PIK3R4: variants seen among roughly 807,000 people sequenced by gnomAD.
PIK3R4 encodes phosphoinositide 3-kinase regulatory subunit 4.
PIK3R4 carries 46 observed loss-of-function variants against 136.5 expected under a neutral mutation model. The ratio of observed to expected loss-of-function variants is 0.34; its 90% CI spans 0.27 to 0.43. PIK3R4 has a LOEUF of 0.43. PIK3R4 is among the 20% of genes least tolerant of loss of function. PIK3R4 has a pLI of 1.00. For synonymous variants in PIK3R4, 557 were observed against 566.7 expected, an observed-to-expected ratio of 0.98 and a Z score of 0.24; for missense variants, 1,331 against 1,649.5, an observed-to-expected ratio of 0.81 and a Z score of 3.35.
At chr3:130,741,805 T>C (rs1022512462) in intron 2 of PIK3R4, among the ~76,000 whole-genome samples, 1 of 152,214 alleles carries the variant, frequency 6.6e-6, no homozygotes, top group African/African-American at 2.4e-5. Flanking sequence ...TACGTAACAA[T>C]GGCTTGCACA....
chr3:130,735,336 T>G (rs2066780335), intron 3 of PIK3R4, among the ~76,000 whole-genome samples: 1 of 152,198 alleles, frequency 6.6e-6, no homozygotes, highest in African/African-American at 2.4e-5. Flanking sequence ...TGTAGCTATG[T>G]GGCTTACGTG....
chr3:130,734,218 T>C, intron 3 of PIK3R4, 88 bp from the exon 4 acceptor site: 1 of 1,071,412 alleles, frequency 9.3e-7, no homozygotes, highest in East Asian at 2.4e-5. Flanking sequence ...TTACATACGA[T>C]TTAAAGGATC....
At position 130,723,444 on chromosome 3, in the gene PIK3R4, G is replaced by T; in HGVS notation, c.1951C>A (p.Pro651Thr). The T allele has an allele frequency of 6.2e-7, 1 of 1,605,508 alleles. No homozygotes were observed. The highest frequency in any genetic ancestry group is 8.5e-7 in the Non-Finnish European group (1 of 1,176,716). Residue 651 changes from proline (P) to threonine (T), a missense_variant, in exon 7 of 20, where the codon CCC becomes ACC. Pro to Thr is a conservative substitution (Grantham distance 38, BLOSUM62 -1). This residue lies in a region of PIK3R4 where 1,180 missense variants were observed against 1,407.0 expected (regional missense o/e 0.84). Coordinates refer to ENST00000356763, the MANE Select transcript of PIK3R4 (RefSeq NM_014602.3). ...CMCQLGLLQK[P>T]HVYEFASDIA... ...TCACTGGCAAATTCGTAAACATGGG[G>T]TTTTTGTAGCAGTCCTAACTGGCAC...
chr3:130,682,911 G>GA (rs2066467764), intron 16 of PIK3R4, among the ~76,000 whole-genome samples: 1 of 151,948 alleles, frequency 6.6e-6, no homozygotes. Flanking sequence ...CTGAGCAGAA[G>GA]AAAAAAATGG....
intron 11 of PIK3R4, among the ~76,000 whole-genome samples, chr3:130,706,125 G>A (rs986686892): frequency 7.9e-5 from 12 of 152,176 alleles, no homozygotes; most frequent in African/African-American, 2.7e-4. Flanking sequence ...AGATATGACT[G>A]ACTAGGAAAG....
chr3:130,703,215 T>G (rs551344679), intron 13 of PIK3R4, among the ~76,000 whole-genome samples: 3 of 152,272 alleles, frequency 2.0e-5, no homozygotes, highest in African/African-American at 7.2e-5. Flanking sequence ...CATATCTAAC[T>G]GGCCCCTCTT....
Position 130,744,808 on chromosome 3 carries a change from G to A in PIK3R4, c.411C>T (p.Asp137=), listed in dbSNP as rs1316443861. 2 of 1,614,210 alleles carry A rather than the reference G, an allele frequency of 1.2e-6. No individual in the cohort carries two copies. Among genetic ancestry groups the A allele is most frequent in the Non-Finnish European group, 1.7e-6 (2 of 1,180,034 alleles). Residue 137 remains aspartate (D), a synonymous_variant, in exon 2 of 20, where the codon GAC becomes GAT. Transcript: ENST00000356763. Reference sequence around the variant, plus strand: ...GACGAACTCCAGATTTGTGTGCTTGGTCCACAGCTGTCAGGATCTGGAAAG... The same window carrying A: ...GACGAACTCCAGATTTGTGTGCTTGATCCACAGCTGTCAGGATCTGGAAAG... ...WIAFQILTAV[D]QAHKSGVRHG... is the part of the protein sequence containing the mutation.
At chr3:130,745,787 GC>G (rs1321453098) in intron 1 of PIK3R4, among the ~76,000 whole-genome samples, 1 of 152,194 alleles carries the variant, frequency 6.6e-6, no homozygotes, top group Non-Finnish European at 1.5e-5. Flanking sequence ...ACTTCGGGAG[GC>G]CGAGGCGGGA....
intron 2 of PIK3R4, among the ~76,000 whole-genome samples, chr3:130,740,852 C>T (rs902850635): frequency 2.6e-5 from 4 of 152,086 alleles, no homozygotes; most frequent in Admixed American, 6.5e-5. Context: ...AAGAAGAAAA[C>T]GATACCAATG....
chr3:130,704,320 C>A (rs2066595397), intron 12 of PIK3R4, among the ~76,000 whole-genome samples: 1 of 152,152 alleles, frequency 6.6e-6, no homozygotes, highest in Non-Finnish European at 1.5e-5. Context: ...AGTTTATGAT[C>A]AACTTTTCAC....
At chr3:130,728,435 T>C in intron 6 of PIK3R4, 28 bp downstream of exon 6, 1 of 1,432,356 alleles carries the variant, frequency 7.0e-7, no homozygotes, top group Non-Finnish European at 9.7e-7. Flanking sequence ...TTAAAAATCT[T>C]AAAGGAATTT....
chr3:130,707,864 T>TA (rs1156653745), intron 10 of PIK3R4, among the ~76,000 whole-genome samples: 1 of 152,204 alleles, frequency 6.6e-6, no homozygotes, highest in Non-Finnish European at 1.5e-5. Context: ...ATTTCATTGT[T>TA]AATAGCAAGA....
chr3:130,683,155 AAAG>A (rs1275218512), intron 16 of PIK3R4, among the ~76,000 whole-genome samples: 2 of 152,234 alleles, frequency 1.3e-5, no homozygotes, highest in East Asian at 3.8e-4. Context: ...CCATTTACTG[AAAG>A]AATACCATAG....
chr3:130,699,298 G>A (rs1028505103), intron 13 of PIK3R4, among the ~76,000 whole-genome samples: 1 of 152,158 alleles, frequency 6.6e-6, no homozygotes, highest in Non-Finnish European at 1.5e-5. Context: ...AAAGAACAAG[G>A]TATGGGCCAA....
At chr3:130,687,708 C>T (rs2066497250) in intron 14 of PIK3R4, among the ~76,000 whole-genome samples, 2 of 152,140 alleles carry the variant, frequency 1.3e-5, no homozygotes, top group African/African-American at 4.8e-5. Context: ...CAATCTAATA[C>T]TACAATTATT....
At chr3:130,740,460 G>C (rs991977071) in intron 2 of PIK3R4, among the ~76,000 whole-genome samples, 1 of 152,158 alleles carries the variant, frequency 6.6e-6, no homozygotes, top group Non-Finnish European at 1.5e-5. Flanking sequence ...CTGAAGGCCG[G>C]GCACAGTGGC....
chr3:130,713,243 T>C (rs1474118181), intron 9 of PIK3R4, among the ~76,000 whole-genome samples: 1 of 152,196 alleles, frequency 6.6e-6, no homozygotes, highest in East Asian at 1.9e-4. Context: ...GCTTATCTCT[T>C]GAACAGAGGA....
chr3:130,733,839 G>A lies in PIK3R4; in HGVS notation c.1159C>T (p.Gln387Ter). ...ILVSVITSCLQTLKYCDSKLA... is the reference protein window; with the variant it reads ...ILVSVITSCL ...TTGGAATCACAGTATTTAAGGGTCT[G>A]TAGGCAGGATGTTATAACAGATACC... The change falls in exon 4 of 20, where the codon CAG (glutamine) becomes TAG (stop). Residue 387 changes from glutamine to a stop codon, truncating the protein, a stop_gained. Transcript: ENST00000356763. LOFTEE classifies it high-confidence loss of function. The A allele has an allele frequency of 1.2e-6, 2 of 1,614,182 alleles. No individual in the cohort carries two copies. The highest frequency in any genetic ancestry group is 1.1e-5 in the South Asian group (1 of 91,076).
rs1364408872 is a variant in PIK3R4, at chr3:130,686,406, CCTT to C, written c.3277_3279del (p.Lys1093del). Reference sequence around the variant, plus strand: ...TGCATATCCACAACACAACCGTCCTCCTTCTGATCTAGAATTCTAGAGAAATAC... The same window carrying C: ...TGCATATCCACAACACAACCGTCCTCCTGATCTAGAATTCTAGAGAAATAC... On this transcript the variant is annotated inframe_deletion, in exon 15 of 20. Coordinates refer to ENST00000356763, the MANE Select transcript of PIK3R4 (RefSeq NM_014602.3). 6 of 1,608,820 alleles carry C rather than the reference CCTT, an allele frequency of 3.7e-6. No homozygotes were observed. Among genetic ancestry groups the C allele is most frequent in the Non-Finnish European group, 4.3e-6 (5 of 1,175,194 alleles).
Sources: gnomAD v4.1 joint callset for allele counts (sites outside exome capture counted in the v4.1 genomes callset) on GRCh38, gnomAD v4.1.1 for gene constraint, gnomAD v4.1.1 regional missense constraint, MANE v1.5 for transcripts, NCBI Gene and HGNC (gene_info 2026-07-23, HGNC 2026-07-21) for gene names.